The following NFE2L3 variants were observed in gnomAD, a reference collection of about 807,000 sequenced individuals.
The protein encoded by NFE2L3 is nuclear factor erythroid 2-related factor 3.
NFE2L3 carries 18 observed loss-of-function variants against 23.5 expected under a neutral mutation model. That is an observed-to-expected ratio of 0.77 (90% CI 0.53 to 1.13). The LOEUF (loss-of-function observed/expected upper bound fraction) is 1.13, where lower values mean the gene tolerates loss of function less well. NFE2L3 is among the 50% of genes most tolerant of loss of function. NFE2L3 has a pLI of 0.00. For missense variants in NFE2L3, 1,152 were observed against 877.2 expected, an observed-to-expected ratio of 1.31 and a Z score of -3.96; for synonymous variants, 424 against 354.5, an observed-to-expected ratio of 1.20 and a Z score of -2.20.
In NFE2L3 at chr7:26,185,781, TGA is replaced by T. The variant is rs1310500689; in HGVS notation, c.*1_*2del. ...GGAAACCCAAAAGGGAAAGAGAAAG[TGA>T]GAAGAAACTGAAGATGGACTCTATT... ...KKETQKGKRK[*>X] On this transcript the variant is annotated frameshift_variant and stop_lost, in exon 4 of 4. Coordinates refer to ENST00000056233, the MANE Select transcript of NFE2L3 (RefSeq NM_004289.7). LOFTEE classifies it high-confidence loss of function. 1.3e-6 allele frequency: 2 copies of T among 1,577,168 alleles called. No individual in the cohort carries two copies. Among genetic ancestry groups the T allele is most frequent in the Admixed American group, 4.2e-5 (2 of 47,670 alleles).
At chr7:26,184,002 GTGGAGATTTCTCAAAAAACTAAAAGAAT>G in intron 3 of NFE2L3, 1 of 515,064 alleles carries the variant, frequency 1.9e-6, no homozygotes, top group Middle Eastern at 2.9e-4. Flanking sequence ...GGAAAACAGC[GTGGAGATTTCTCAAAAAACTAAAAGAAT>G]TATCAGGTAT....
chr7:26,185,627 T>C lies in NFE2L3; in HGVS notation c.1929T>C (p.His643=). Residue 643 remains histidine, a synonymous_variant, in exon 4 of 4, where the codon CAT becomes CAC. Coordinates refer to ENST00000056233, the MANE Select transcript of NFE2L3 (RefSeq NM_004289.7). ...AACAGAAACTGCATGACCTTTATCA[T>C]GATATTTTTAGTAGATTAAGAGATG... ...IMKQKLHDLY[H]DIFSRLRDDQ... 1 of 1,613,418 alleles carries C rather than the reference T, an allele frequency of 6.2e-7. No individual in the cohort carries two copies. The highest frequency in any genetic ancestry group is 1.1e-5 in the South Asian group (1 of 91,014).
At chr7:26,183,912 C>G in intron 3 of NFE2L3, 128 bp downstream of exon 3, 1 of 660,296 alleles carries the variant, frequency 1.5e-6, no homozygotes, top group South Asian at 1.9e-5. Flanking sequence ...AGAAGCACTT[C>G]AGCTTAGAAT....
At chr7:26,175,145 G>C (rs549448891) in intron 1 of NFE2L3, among the ~76,000 whole-genome samples, 1 of 145,206 alleles carries the variant, frequency 6.9e-6, no homozygotes, top group East Asian at 2.1e-4. Flanking sequence ...AGGAGATTGA[G>C]ACCATCCTGG....
chr7:26,177,736 A>G (rs927334731), intron 1 of NFE2L3, among the ~76,000 whole-genome samples: 42 of 152,386 alleles, frequency 2.8e-4, no homozygotes, highest in African/African-American at 9.9e-4. Flanking sequence ...AGTGCATGTT[A>G]ATTTAAATTG....
At chr7:26,171,625 G>T (rs1361270582) in intron 1 of NFE2L3, among the ~76,000 whole-genome samples, 1 of 151,456 alleles carries the variant, frequency 6.6e-6, no homozygotes, top group Non-Finnish European at 1.5e-5. Context: ...TATTATCTAT[G>T]CCTTGAATTC....
intron 1 of NFE2L3, among the ~76,000 whole-genome samples, chr7:26,176,731 C>T (rs1234195095): frequency 3.5e-5 from 2 of 56,540 alleles, no homozygotes; most frequent in East Asian, 1.1e-3. Context: ...ACATCCCAGA[C>T]GATGGGCAGC....
Position 26,185,232 on chromosome 7 carries a change from G to A in NFE2L3, c.1534G>A (p.Glu512Lys). ...GCCAACTGCACCAGAATCTACTTCTGAACCTTTTCCGTGGCCTGGGAAGTC... is the reference window on the plus strand; with the variant it reads ...GCCAACTGCACCAGAATCTACTTCTAAACCTTTTCCGTGGCCTGGGAAGTC... ...LQPTAPESTS[E>K]PFPWPGKSQK... Residue 512 changes from glutamate to lysine, a missense_variant, in exon 4 of 4, where the codon GAA (glutamate) becomes AAA (lysine). Coordinates refer to ENST00000056233, the MANE Select transcript of NFE2L3 (RefSeq NM_004289.7). 3 of 1,613,376 alleles carry A rather than the reference G, an allele frequency of 1.9e-6. No homozygotes were observed. Among genetic ancestry groups the A allele is most frequent in the African/African-American group, 2.7e-5 (2 of 75,038 alleles).
chr7:26,184,005 G>C (rs535209185), intron 3 of NFE2L3: 1 of 512,788 alleles, frequency 2.0e-6, no homozygotes, highest in South Asian at 3.0e-5. Flanking sequence ...AAACAGCGTG[G>C]AGATTTCTCA....
chr7:26,184,004 G>A (rs1360403083), intron 3 of NFE2L3: 5 of 510,620 alleles, frequency 9.8e-6, no homozygotes, highest in East Asian at 9.7e-5. Flanking sequence ...AAAACAGCGT[G>A]GAGATTTCTC....
chr7:26,176,409 TCACTTC>T (rs1186648210), intron 1 of NFE2L3, among the ~76,000 whole-genome samples: 3 of 152,232 alleles, frequency 2.0e-5, no homozygotes, highest in Non-Finnish European at 2.9e-5. Context: ...AGAAAGGCTG[TCACTTC>T]ACACTTGGAA....
At position 26,183,802 on chromosome 7, in the gene NFE2L3, T is replaced by C. The variant is rs1340482497; in HGVS notation, c.834+18T>C. 1.9e-6 allele frequency: 3 copies of C among 1,556,286 alleles called. No homozygotes were observed. The highest frequency in any genetic ancestry group is 2.7e-5 in the African/African-American group (2 of 73,802). ...CACTGGAGGTAATTGGAACTTTGGCTTTTATCCTCGCAGGAACATATCTGC... is the reference window on the plus strand; with the variant it reads ...CACTGGAGGTAATTGGAACTTTGGCCTTTATCCTCGCAGGAACATATCTGC... On this transcript the variant is annotated intron_variant, in intron 3 of 3. Transcript: ENST00000056233.
chr7:26,183,191 G>A (rs891652233), intron 2 of NFE2L3, among the ~76,000 whole-genome samples: 3 of 152,158 alleles, frequency 2.0e-5, no homozygotes, highest in African/African-American at 7.2e-5. Context: ...GTTTATGGTA[G>A]GAATAGAAAT....
chr7:26,157,424 T>C (rs1325733701), intron 1 of NFE2L3, among the ~76,000 whole-genome samples: 1 of 151,956 alleles, frequency 6.6e-6, no homozygotes, highest in African/African-American at 2.4e-5. Context: ...AGTACAGGCA[T>C]GAGCTACTGC....
chr7:26,178,031 A>G lies in NFE2L3; in HGVS notation c.659A>G (p.Glu220Gly). 2 of 1,614,200 alleles carry G rather than the reference A, an allele frequency of 1.2e-6. No individual in the cohort carries two copies. The highest frequency in any genetic ancestry group is 1.7e-6 in the Non-Finnish European group (2 of 1,180,012). Residue 220 changes from glutamate to glycine, a missense_variant, in exon 2 of 4, where the codon GAG becomes GGG. Coordinates refer to ENST00000056233, the MANE Select transcript of NFE2L3 (RefSeq NM_004289.7). The part of the protein sequence containing the change: ...ENEERVSAQK[E>G]NSLQQNDDDE... ...GAAGAAAGGGTGTCAGCCCAGAAGG[A>G]GAACTCACTTCAGCAGAATGATGAT...
rs752368926 is a variant in NFE2L3, at chr7:26,184,985, T to TA, written c.1288dup (p.Thr430AsnfsTer7). The TA allele has an allele frequency of 2.5e-6, 4 of 1,613,786 alleles. No individual in the cohort carries two copies. The African/African-American group carries it at 5.3e-5, about 22-fold the overall frequency. On this transcript the variant is annotated frameshift_variant, in exon 4 of 4. Coordinates refer to ENST00000056233, the MANE Select transcript of NFE2L3 (RefSeq NM_004289.7). LOFTEE classifies it low-confidence loss of function (END_TRUNC). Reference sequence around the variant, plus strand: ...TTTCTTTAGATTCAAGTCACAATAATACCTCTGTCATCAAGTCTAATTCCT... The same window carrying TA: ...TTTCTTTAGATTCAAGTCACAATAATAACCTCTGTCATCAAGTCTAATTCCT...
chr7:26,185,915 C>G lies in NFE2L3; in HGVS notation c.*132C>G. The G allele has an allele frequency of 2.5e-6, 2 of 785,276 alleles. No individual in the cohort carries two copies. The highest frequency in any genetic ancestry group is 3.9e-6 in the Non-Finnish European group (2 of 510,416). 48.6% of individuals were successfully genotyped at this position (785,276 alleles called of 1,614,324 possible). A position where few individuals can be genotyped will look rare whatever the true frequency, so the allele number is the denominator to read the frequency against. ...TGCTACTTGAATAACTCAGTTAACG[C>G]TGTTTTGAAGCTTACATGGACAAAT... is the stretch of plus-strand genomic sequence containing the variant. On this transcript the variant is annotated 3_prime_UTR_variant, in exon 4 of 4. Transcript: ENST00000056233.
intron 1 of NFE2L3, among the ~76,000 whole-genome samples, chr7:26,162,827 C>G (rs1235132834): frequency 6.6e-6 from 1 of 151,950 alleles, no homozygotes; most frequent in Non-Finnish European, 1.5e-5. Context: ...ATCCTCCCAC[C>G]TCAGCCTACT....
At chr7:26,170,674 T>TTGA (rs1363526166) in intron 1 of NFE2L3, among the ~76,000 whole-genome samples, 1 of 152,184 alleles carries the variant, frequency 6.6e-6, no homozygotes, top group Non-Finnish European at 1.5e-5. Flanking sequence ...TTCTTTCAAA[T>TTGA]ATTCCAAGTA....
Sources: gnomAD v4.1 joint callset for allele counts (sites outside exome capture counted in the v4.1 genomes callset) on GRCh38, gnomAD v4.1.1 for gene constraint, MANE v1.5 for transcripts, NCBI Gene and HGNC (gene_info 2026-07-23, HGNC 2026-07-21) for gene names.